The following DEGS2 variants were observed in gnomAD, a reference collection of about 807,000 sequenced individuals.
DEGS2 encodes delta 4-desaturase, sphingolipid 2.
In DEGS2, 19 loss-of-function variants were observed where a neutral mutation model predicts 23.8. That is an observed-to-expected ratio of 0.80 (90% CI 0.56 to 1.17). DEGS2 has a LOEUF of 1.17. DEGS2 is among the 50% of genes most tolerant of loss of function. The probability of loss-of-function intolerance (pLI) is 0.00; values close to 1 mark genes in which losing one functional copy is unlikely to be tolerated. For synonymous variants in DEGS2, 218 were observed against 213.7 expected, an observed-to-expected ratio of 1.02 and a Z score of -0.18; for missense variants, 390 against 459.5, an observed-to-expected ratio of 0.85 and a Z score of 1.38.
chr14:100,150,325 C>A (rs928479278), intron 1 of DEGS2, among the ~76,000 whole-genome samples: 1 of 152,136 alleles, frequency 6.6e-6, no homozygotes, highest in African/African-American at 2.4e-5. Flanking sequence ...ACGCCCCTGC[C>A]CCCAGGGCAG....
chr14:100,160,309 G>C (rs910682814), upstream of DEGS2: 1 of 152,230 alleles, frequency 6.6e-6, no homozygotes, highest in African/African-American at 2.4e-5. Context: ...AGGGTGATAC[G>C]TGCCATGACA....
upstream of DEGS2, chr14:100,159,966 T>C (rs1889725564): frequency 1.2e-5 from 2 of 161,210 alleles, no homozygotes; most frequent in Non-Finnish European, 1.3e-5. Flanking sequence ...AGCCGTCGGG[T>C]TTTTACCCCG....
At chr14:100,151,985 G>A (rs1040499841) in intron 1 of DEGS2, among the ~76,000 whole-genome samples, 7 of 152,138 alleles carry the variant, frequency 4.6e-5, no homozygotes, top group African/African-American at 9.7e-5. Flanking sequence ...GGAGAGGGTC[G>A]TGGCTGAGGT....
rs138977424 is a variant in DEGS2 at position 100,153,762 on chromosome 14, T to TACACAGACCC, written c.83-4062_83-4053dup. 8.9e-3 allele frequency among the ~76,000 whole-genome samples: 1,353 copies of TACACAGACCC among 152,282 alleles called. 11 individuals are homozygous for TACACAGACCC. Among genetic ancestry groups the TACACAGACCC allele is most frequent in the African/African-American group, 0.031 (1,277 of 41,550 alleles). On this transcript the variant is annotated intron_variant, in intron 1 of 2. Coordinates refer to ENST00000305631, the MANE Select transcript of DEGS2 (RefSeq NM_206918.3). ...CGTGCACAGCCACCTGGAACCAAGA[T>TACACAGACCC]ACACAGACCCACACAGACGGTTTCC...
chr14:100,157,202 T>A (rs1187303895), intron 1 of DEGS2, among the ~76,000 whole-genome samples: 1 of 152,238 alleles, frequency 6.6e-6, no homozygotes, highest in Non-Finnish European at 1.5e-5. Context: ...CTGCCCGTTT[T>A]GCAGATTGGG....
chr14:100,156,048 G>A (rs1566742947), intron 1 of DEGS2, among the ~76,000 whole-genome samples: 1 of 152,226 alleles, frequency 6.6e-6, no homozygotes, highest in Non-Finnish European at 1.5e-5. Context: ...CTCCCCGGCA[G>A]GAGCTGGAGA....
intron 1 of DEGS2, among the ~76,000 whole-genome samples, chr14:100,158,587 C>A (rs1359145211): frequency 6.6e-6 from 1 of 151,746 alleles, no homozygotes; most frequent in Non-Finnish European, 1.5e-5. Flanking sequence ...GTGAAACCTC[C>A]ATCAAATAAG....
intron 2 of DEGS2, among the ~76,000 whole-genome samples, chr14:100,147,113 G>A (rs1889462872): frequency 6.6e-6 from 1 of 152,184 alleles, no homozygotes; most frequent in Non-Finnish European, 1.5e-5. Flanking sequence ...GTCCAGCTTG[G>A]CCAAACACAA....
chr14:100,149,417 T>A lies in DEGS2; in HGVS notation c.376A>T (p.Lys126Ter). Residue 126 changes from lysine to a stop codon, truncating the protein, a stop_gained, in exon 2 of 3, where the codon AAG (lysine) becomes TAG (stop). Transcript: ENST00000305631. LOFTEE classifies it high-confidence loss of function. The part of the protein sequence containing the change: ...VGVPYAASFK[K>*]YHVDHHRYLG... ...TAGCGGTGGTGGTCCACGTGGTACT[T>A]CTTGAAGGAGGCGGCGTAGGGCACA... is the stretch of plus-strand genomic sequence containing the variant. 1 of 1,602,034 alleles carries A rather than the reference T, an allele frequency of 6.2e-7. No individual in the cohort carries two copies. Among genetic ancestry groups the A allele is most frequent in the African/African-American group, 1.3e-5 (1 of 74,834 alleles).
At chr14:100,154,162 C>T (rs767322794) in intron 1 of DEGS2, among the ~76,000 whole-genome samples, 1 of 152,106 alleles carries the variant, frequency 6.6e-6, no homozygotes, top group African/African-American at 2.4e-5. Flanking sequence ...GTCAGGAGTT[C>T]AAAACCAGCC....
chr14:100,147,204 G>A (rs1003331963), intron 2 of DEGS2, among the ~76,000 whole-genome samples: 2 of 152,196 alleles, frequency 1.3e-5, no homozygotes, highest in Admixed American at 1.3e-4. Flanking sequence ...AGGGCCTGGT[G>A]GCCTGAACTG....
intron 1 of DEGS2, among the ~76,000 whole-genome samples, chr14:100,154,372 A>G (rs1889624850): frequency 6.8e-6 from 1 of 146,508 alleles, no homozygotes; most frequent in African/African-American, 2.5e-5. Context: ...AAAAAAAAAA[A>G]GAAAGAAAAA....
chr14:100,152,728 G>A (rs578226384), intron 1 of DEGS2, among the ~76,000 whole-genome samples: 7 of 152,210 alleles, frequency 4.6e-5, no homozygotes, highest in South Asian at 4.1e-4. Context: ...GGGTTCCACC[G>A]TCGAGTTCCC....
chr14:100,159,320 C>A (rs1889710485), intron 1 of DEGS2, among the ~76,000 whole-genome samples, 186 bp downstream of exon 1: 1 of 152,210 alleles, frequency 6.6e-6, no homozygotes, highest in Non-Finnish European at 1.5e-5. Flanking sequence ...GAGTTTCAGA[C>A]CCGGCCAGGG....
At chr14:100,146,955 C>T in intron 2 of DEGS2, 48 bp from the exon 3 acceptor site, 2 of 1,581,202 alleles carry the variant, frequency 1.3e-6, no homozygotes, top group Non-Finnish European at 8.6e-7. Context: ...CTCGGGGCCG[C>T]ACCCGCGAGC....
chr14:100,146,981 T>G (rs1445498043), intron 2 of DEGS2, 74 bp from the exon 3 acceptor site: 1 of 1,535,880 alleles, frequency 6.5e-7, no homozygotes, highest in African/African-American at 1.4e-5. Flanking sequence ...CGCAGACACC[T>G]GAGCACACGC....
At chr14:100,152,572 C>G (rs1344839070) in intron 1 of DEGS2, among the ~76,000 whole-genome samples, 1 of 152,206 alleles carries the variant, frequency 6.6e-6, no homozygotes, top group East Asian at 1.9e-4. Context: ...CCATCCTTCT[C>G]TACTTCTCCC....
upstream of DEGS2, among the ~76,000 whole-genome samples, chr14:100,163,075 G>T (rs1299680082): frequency 1.3e-5 from 2 of 152,246 alleles, no homozygotes; most frequent in African/African-American, 2.4e-5. Context: ...GAGGAAAGCA[G>T]ACTCGATGGA....
At chr14:100,149,747 G>C in intron 1 of DEGS2, 37 bp from the exon 2 acceptor site, 1 of 1,559,550 alleles carries the variant, frequency 6.4e-7, no homozygotes, top group Non-Finnish European at 8.7e-7. Flanking sequence ...GCCCCGCTCG[G>C]TGGGGCTGCA....
Sources: allele counts gnomAD v4.1 joint callset (sites outside exome capture counted in the v4.1 genomes callset), GRCh38; gene constraint gnomAD v4.1.1; transcripts MANE v1.5; gene names NCBI Gene and HGNC (gene_info 2026-07-23, HGNC 2026-07-21).